ZNF536: variants seen among roughly 807,000 people sequenced by gnomAD.
The protein encoded by ZNF536 is zinc finger protein 536.
A neutral mutation model predicts 84.5 loss-of-function variants in ZNF536; 13 were observed. That is an observed-to-expected ratio of 0.15 (90% CI 0.10 to 0.24). The LOEUF (loss-of-function observed/expected upper bound fraction) is 0.24. Among genes scored for constraint, ZNF536 ranks in the 10% least tolerant of loss-of-function variants. The probability of loss-of-function intolerance (pLI) is 1.00; values close to 1 mark genes in which losing one functional copy is unlikely to be tolerated. For missense variants in ZNF536, 1,536 were observed against 1,747.5 expected (o/e 0.88, Z 2.16); for synonymous variants, 811 against 742.5 (o/e 1.09, Z -1.50).
At chr19:30,231,676 C>A (rs2023056786) in intron 1 of ZNF536, among the ~76,000 whole-genome samples, 1 of 152,318 alleles carries the variant, frequency 6.6e-6, no homozygotes, top group African/African-American at 2.4e-5. Context: ...ACTCTTCAGG[C>A]TGCCGTGATG....
chr19:30,523,765 G>A (rs572153681), intron 2 of ZNF536, among the ~76,000 whole-genome samples: 1 of 152,288 alleles, frequency 6.6e-6, no homozygotes, highest in Admixed American at 6.5e-5. Flanking sequence ...GGAGTGCCAA[G>A]GGTCTCTGGA....
intron 1 of ZNF536, among the ~76,000 whole-genome samples, chr19:30,229,670 T>A (rs931276972): frequency 6.6e-6 from 1 of 152,242 alleles, no homozygotes; most frequent in Non-Finnish European, 1.5e-5. Context: ...GGCTGAAGGC[T>A]GCTTTAGTTA....
chr19:30,538,310 T>C (rs1394166129), intron 3 of ZNF536, among the ~76,000 whole-genome samples: 1 of 152,224 alleles, frequency 6.6e-6, no homozygotes, highest in African/African-American at 2.4e-5. Context: ...TGAGCACATT[T>C]AAAAACCCAA....
chr19:30,519,221 C>A (rs1019584647), intron 2 of ZNF536, among the ~76,000 whole-genome samples: 4 of 152,230 alleles, frequency 2.6e-5, no homozygotes, highest in Admixed American at 2.6e-4. Context: ...CAGCCCAGCT[C>A]TGGGGTGGGG....
Position 30,445,525 on chromosome 19 carries a change from C to T in ZNF536, c.1963C>T (p.Arg655Trp), listed in dbSNP as rs770369068. 2 of 1,613,838 alleles carry T rather than the reference C, an allele frequency of 1.2e-6. No homozygotes were observed. The highest frequency in any genetic ancestry group is 1.7e-5 in the Admixed American group (1 of 60,016). The change falls in exon 2 of 5, where the codon CGG becomes TGG. Residue 655 changes from arginine (R) to tryptophan (W), a missense_variant. Around this residue, in one of 8 missense-constraint regions of ZNF536, gnomAD observed 366 missense variants for 364.4 expected, o/e 1.00. Coordinates refer to ENST00000355537, the MANE Select transcript of ZNF536 (RefSeq NM_014717.3). This position sits in a 1 kb window ranked among gnomAD's most constrained non-coding sequence, Gnocchi z 4.5. ...GGTCGTGCACTCCCGTGTCCACAAG[C>T]GGGACCGCAAGGGCGAGGAGGATGG... ...QVVVHSRVHK[R>W]DRKGEEDGLH...
intron 3 of ZNF536, among the ~76,000 whole-genome samples, chr19:30,363,998 G>A (rs1197816062): frequency 6.6e-6 from 1 of 152,152 alleles, no homozygotes; most frequent in Non-Finnish European, 1.5e-5. Context: ...AGGGCAGATA[G>A]GTGTGTTGGA....
intron 3 of ZNF536, among the ~76,000 whole-genome samples, chr19:30,536,310 C>T (rs2045077959): frequency 6.6e-6 from 1 of 152,142 alleles, no homozygotes; most frequent in African/African-American, 2.4e-5. Context: ...AATCTTCCTC[C>T]AGGTGGTCCC....
intron 2 of ZNF536, among the ~76,000 whole-genome samples, chr19:30,335,772 A>T (rs1235530050): frequency 2.0e-5 from 3 of 152,018 alleles, no homozygotes; most frequent in Non-Finnish European, 1.5e-5. Context: ...CTAGCCTTGA[A>T]ACTATTTCTA....
chr19:30,388,947 G>A (rs1488347221), intron 1 of ZNF536, among the ~76,000 whole-genome samples: 3 of 152,170 alleles, frequency 2.0e-5, no homozygotes, highest in East Asian at 1.9e-4. Context: ...CTATTTCCTG[G>A]AATTCTCCCC....
chr19:30,555,356 C>T (rs567650700), intron 4 of ZNF536: 1 of 152,308 alleles, frequency 6.6e-6, no homozygotes, highest in South Asian at 2.1e-4. Flanking sequence ...CTTCGGGTCA[C>T]AATCGTCCCT....
intron 1 of ZNF536, among the ~76,000 whole-genome samples, chr19:30,256,099 C>T (rs546295924): frequency 3.0e-4 from 45 of 152,260 alleles, no homozygotes; most frequent in African/African-American, 9.6e-4. Flanking sequence ...TTTTCTTTCT[C>T]TCTCCCACGT....
chr19:30,265,371 A>G (rs1160673795), intron 1 of ZNF536, among the ~76,000 whole-genome samples: 1 of 151,558 alleles, frequency 6.6e-6, no homozygotes. Context: ...TGCTCTTCCA[A>G]CCTCCCGCTC....
At chr19:30,238,245 T>C (rs1045360711) in intron 1 of ZNF536, among the ~76,000 whole-genome samples, 1 of 152,196 alleles carries the variant, frequency 6.6e-6, no homozygotes, top group African/African-American at 2.4e-5. Context: ...CATTCCTCCT[T>C]CCTTCCTGGC....
At chr19:30,278,463 A>G (rs1209932635) in intron 1 of ZNF536, among the ~76,000 whole-genome samples, 4 of 151,856 alleles carry the variant, frequency 2.6e-5, no homozygotes, top group Admixed American at 1.3e-4. Context: ...TGGCTGTTTT[A>G]TATATGAAAG....
chr19:30,681,506 G>A (rs2050970660), intron 1 of ZNF536, among the ~76,000 whole-genome samples: 1 of 152,186 alleles, frequency 6.6e-6, no homozygotes, highest in East Asian at 1.9e-4. Flanking sequence ...TCCGCATGAA[G>A]CGCAGGAAGT....
intron 1 of ZNF536, among the ~76,000 whole-genome samples, chr19:30,409,686 G>C (rs77650886): frequency 5.8e-4 from 89 of 152,214 alleles, no homozygotes; most frequent in African/African-American, 2.0e-3. Context: ...TACGTCCCCC[G>C]ACCACCACAA....
chr19:30,265,232 A>G (rs2025449413), intron 1 of ZNF536, among the ~76,000 whole-genome samples: 1 of 151,960 alleles, frequency 6.6e-6, no homozygotes, highest in African/African-American at 2.4e-5. Flanking sequence ...TAGCCCAAAC[A>G]TTTCCCAAAT....
At chr19:30,457,606 G>A (rs1262140073) in intron 2 of ZNF536, among the ~76,000 whole-genome samples, 4 of 152,344 alleles carry the variant, frequency 2.6e-5, no homozygotes, top group Non-Finnish European at 5.9e-5. Flanking sequence ...ACCAGAAAGT[G>A]AGAGGCAGGC....
At chr19:30,662,331 C>T (rs2050149251) in intron 1 of ZNF536, among the ~76,000 whole-genome samples, 1 of 152,200 alleles carries the variant, frequency 6.6e-6, no homozygotes, top group Non-Finnish European at 1.5e-5. Context: ...TAAGTCCCAG[C>T]TTGTGTTGGG....
Sources: gnomAD v4.1 joint callset for allele counts (sites outside exome capture counted in the v4.1 genomes callset) on GRCh38, gnomAD v4.1.1 for gene constraint, gnomAD v4.1.1 regional missense constraint, Gnocchi (gnomAD v3.1) non-coding constraint, MANE v1.5 for transcripts, NCBI Gene and HGNC (gene_info 2026-07-23, HGNC 2026-07-21) for gene names.